SMYD4: variants seen among roughly 807,000 people sequenced by gnomAD.
The protein encoded by SMYD4 is protein-lysine N-methyltransferase SMYD4.
In SMYD4, 68 loss-of-function variants were observed where a neutral mutation model predicts 72.8. That is an observed-to-expected ratio of 0.93 (90% CI 0.77 to 1.14). SMYD4 has a LOEUF of 1.14. SMYD4 is among the 50% of genes most tolerant of loss of function. The probability of loss-of-function intolerance (pLI) is 0.00; values close to 1 mark genes in which losing one functional copy is unlikely to be tolerated. For synonymous variants in SMYD4, 407 were observed against 388.6 expected (o/e 1.05, Z -0.56); for missense variants, 984 against 1,003.7 (o/e 0.98, Z 0.27).
In SMYD4 at chr17:1,799,852, C is replaced by T; in HGVS notation, c.1537+5G>A. 1 of 1,572,672 alleles carries T rather than the reference C, an allele frequency of 6.4e-7. No individual in the cohort carries two copies. Among genetic ancestry groups the T allele is most frequent in the Non-Finnish European group, 8.6e-7 (1 of 1,156,166 alleles). On this transcript the variant is annotated splice_donor_5th_base_variant and intron_variant, in intron 5 of 10. Coordinates refer to ENST00000305513, the MANE Select transcript of SMYD4 (RefSeq NM_052928.3). ...GAAAAGCAGGAACATCAGGTTCCCT[C>T]TTACCTGTGTGTTGTATGGTGGTCA...
intron 7 of SMYD4, among the ~76,000 whole-genome samples, chr17:1,785,932 G>A (rs1908666807): frequency 6.6e-6 from 1 of 152,286 alleles, no homozygotes; most frequent in East Asian, 1.9e-4. Context: ...GGAAACCTCC[G>A]AGGTGGACAT....
At chr17:1,821,727 T>G (rs1048730411) in intron 2 of SMYD4, among the ~76,000 whole-genome samples, 4 of 152,052 alleles carry the variant, frequency 2.6e-5, no homozygotes, top group Non-Finnish European at 2.9e-5. Context: ...GGTTGGGAGT[T>G]TGAGACCAGC....
At chr17:1,794,018 T>TAA (rs1236971327) in intron 5 of SMYD4, among the ~76,000 whole-genome samples, 3 of 101,692 alleles carry the variant, frequency 3.0e-5, no homozygotes, top group Non-Finnish European at 5.8e-5. Flanking sequence ...TATATATATA[T>TAA]ATGTGTGTAT....
At chr17:1,784,134 C>T (rs759291384) in intron 8 of SMYD4, among the ~76,000 whole-genome samples, 192 bp downstream of exon 8, 1 of 152,238 alleles carries the variant, frequency 6.6e-6, no homozygotes, top group Non-Finnish European at 1.5e-5. Context: ...CACCTGGCCC[C>T]TTTTCAAGGG....
chr17:1,821,747 A>G (rs942040277), intron 2 of SMYD4, among the ~76,000 whole-genome samples: 6 of 152,174 alleles, frequency 3.9e-5, no homozygotes, highest in African/African-American at 1.4e-4. Flanking sequence ...CCTGGCCAAC[A>G]TGGTGAAACC....
At chr17:1,828,394 C>G (rs926127178) in intron 1 of SMYD4, among the ~76,000 whole-genome samples, 19 of 151,446 alleles carry the variant, frequency 1.3e-4, no homozygotes, top group African/African-American at 1.7e-4. Flanking sequence ...TTCAAGGAAG[C>G]CTGAAACAAT....
chr17:1,811,880 T>C, intron 3 of SMYD4, 91 bp downstream of exon 3: 1 of 1,429,512 alleles, frequency 7.0e-7, no homozygotes, highest in Admixed American at 2.0e-5. Flanking sequence ...TGAGCTGAGA[T>C]TATACCACTG....
chr17:1,788,460 T>C (rs1705498734), intron 5 of SMYD4, among the ~76,000 whole-genome samples: 1 of 152,198 alleles, frequency 6.6e-6, no homozygotes, highest in Non-Finnish European at 1.5e-5. Flanking sequence ...ATTTTGTTCA[T>C]TTTGGCCGGG....
chr17:1,820,033 C>G (rs564725029), intron 2 of SMYD4, among the ~76,000 whole-genome samples: 1 of 151,904 alleles, frequency 6.6e-6, no homozygotes, highest in African/African-American at 2.4e-5. Flanking sequence ...GGTGATCCAC[C>G]TGCCTTGGCT....
intron 5 of SMYD4, among the ~76,000 whole-genome samples, chr17:1,796,640 T>C (rs989146130): frequency 1.3e-5 from 2 of 152,036 alleles, no homozygotes; most frequent in Non-Finnish European, 2.9e-5. Context: ...TTTCACCACG[T>C]TGGCCAGGAT....
chr17:1,794,847 G>A (rs1445551281), intron 5 of SMYD4, among the ~76,000 whole-genome samples: 1 of 151,916 alleles, frequency 6.6e-6, no homozygotes, highest in Non-Finnish European at 1.5e-5. Context: ...AAACTGATTA[G>A]GTTAATGCAG....
intron 5 of SMYD4, among the ~76,000 whole-genome samples, chr17:1,795,809 T>A (rs1439389010): frequency 6.7e-6 from 1 of 149,654 alleles, no homozygotes; most frequent in Non-Finnish European, 1.5e-5. Flanking sequence ...ACAATCATTT[T>A]AAAATTTAAT....
intron 3 of SMYD4, among the ~76,000 whole-genome samples, chr17:1,809,406 G>A (rs1910208588): frequency 6.6e-6 from 1 of 150,812 alleles, no homozygotes; most frequent in South Asian, 2.1e-4. Flanking sequence ...ACAGAGTCTT[G>A]CTCTGTCGCC....
intron 2 of SMYD4, 145 bp downstream of exon 2, chr17:1,827,716 G>C (rs1037181227): frequency 3.9e-5 from 43 of 1,106,522 alleles, no homozygotes; most frequent in Non-Finnish European, 5.3e-5. Context: ...TGGGAGGATT[G>C]CTTGAGCCCA....
At chr17:1,795,625 T>TA (rs2151229386) in intron 5 of SMYD4, among the ~76,000 whole-genome samples, 1 of 151,914 alleles carries the variant, frequency 6.6e-6, no homozygotes, top group African/African-American at 2.4e-5. Context: ...GTATTTTTAA[T>TA]AGAGACGGGT....
Position 1,800,203 on chromosome 17 carries a change from C to T in SMYD4, c.1191G>A (p.Glu397=). 1.2e-6 allele frequency: 2 copies of T among 1,610,358 alleles called. No individual in the cohort carries two copies. The highest frequency in any genetic ancestry group is 1.7e-6 in the Non-Finnish European group (2 of 1,177,380). The part of the protein sequence containing the change: ...QVKTLNYGLG[E]SEKNGNIVET... Reference sequence around the variant, plus strand: ...CAACGATGTTGCCATTTTTCTCACTCTCCCCTAGGCCATAATTAAGTGTCT... The same window carrying T: ...CAACGATGTTGCCATTTTTCTCACTTTCCCCTAGGCCATAATTAAGTGTCT... Residue 397 remains glutamate, a synonymous_variant, in exon 5 of 11, where the codon GAG becomes GAA. Transcript: ENST00000305513.
intron 7 of SMYD4, among the ~76,000 whole-genome samples, chr17:1,785,717 G>T (rs1245836889): frequency 6.8e-6 from 1 of 147,024 alleles, no homozygotes; most frequent in African/African-American, 2.6e-5. Flanking sequence ...CAGAGATCGT[G>T]CCACTGCACT....
rs1055458580 is a variant in SMYD4, at chr17:1,801,166, T to C, written c.370-142A>G. ...CAACCACATGCTTATTAAAATCATA[T>C]AGTTCTGTGTGATCCTTTGAGTGAT... On this transcript the variant is annotated intron_variant, in intron 4 of 10. Transcript: ENST00000305513. 5.1e-5 allele frequency: 36 copies of C among 706,082 alleles called. No individual in the cohort carries two copies. In the African/African-American group the frequency reaches 5.3e-4, roughly 10 times the overall value. The allele number at this position is 706,082 out of a possible 1,614,324, so 43.7% of individuals were successfully genotyped here.
chr17:1,798,040 A>T (rs1909497730), intron 5 of SMYD4, among the ~76,000 whole-genome samples: 1 of 151,856 alleles, frequency 6.6e-6, no homozygotes, highest in African/African-American at 2.4e-5. Context: ...TACCTTACCC[A>T]ACTACTGGGC....
Sources: allele counts gnomAD v4.1 joint callset (sites outside exome capture counted in the v4.1 genomes callset), GRCh38; gene constraint gnomAD v4.1.1; transcripts MANE v1.5; gene names NCBI Gene and HGNC (gene_info 2026-07-23, HGNC 2026-07-21).